The following KYNU variants were observed in gnomAD, a reference collection of about 807,000 sequenced individuals.
KYNU encodes L-kynurenine hydrolase.
In KYNU, 54 loss-of-function variants were observed where a neutral mutation model predicts 59.2. That is an observed-to-expected ratio of 0.91 (90% CI 0.73 to 1.14). The LOEUF is 1.14. Among genes scored for constraint, KYNU ranks in the 50% most tolerant of loss-of-function variants. The probability of loss-of-function intolerance (pLI) is 0.00; values close to 1 mark genes in which losing one functional copy is unlikely to be tolerated. For missense variants in KYNU, 567 were observed against 554.4 expected (o/e 1.02, Z -0.23); for synonymous variants, 177 against 192.0 (o/e 0.92, Z 0.65).
chr2:142,918,560 GA>G (rs1420101368), intron 2 of KYNU, 48 bp from the exon 3 acceptor site: 3 of 1,477,158 alleles, frequency 2.0e-6, no homozygotes, highest in Non-Finnish European at 2.7e-6. Flanking sequence ...ATACCATACT[GA>G]AAAAGCTTTT....
At chr2:143,012,755 C>A (rs1469532320) in intron 10 of KYNU, among the ~76,000 whole-genome samples, 1 of 151,972 alleles carries the variant, frequency 6.6e-6, no homozygotes, top group Non-Finnish European at 1.5e-5. Context: ...AAATATAATA[C>A]AATTGTACTA....
chr2:143,053,496 C>T lies in KYNU; in HGVS notation c.*11324C>T, dbSNP rs183144765. On this transcript the variant is annotated 3_prime_UTR_variant, in exon 14 of 14. Transcript: ENST00000264170. Reference sequence around the variant, plus strand: ...CAGAATGATATGGTTTGACTTTGTCCGCAGTCAAATCTCATCTTGAATTTC... The same window carrying T: ...CAGAATGATATGGTTTGACTTTGTCTGCAGTCAAATCTCATCTTGAATTTC... 14 of 152,204 alleles carry T rather than the reference C, an allele frequency of 9.2e-5. No homozygotes were observed. Among genetic ancestry groups the T allele is most frequent in the Non-Finnish European group, 7.4e-5 (5 of 68,008 alleles). 9.4% of individuals were successfully genotyped at this position (152,204 alleles called of 1,614,324 possible). A position where few individuals can be genotyped will look rare whatever the true frequency, so the allele number is the denominator to read the frequency against.
At chr2:142,916,671 T>C (rs570974158) in intron 2 of KYNU, among the ~76,000 whole-genome samples, 2 of 152,210 alleles carry the variant, frequency 1.3e-5, no homozygotes, top group Admixed American at 6.5e-5. Context: ...GAGGAAGAAA[T>C]TGAGACACCT....
chr2:142,928,514 TC>T (rs1250034621), intron 4 of KYNU, among the ~76,000 whole-genome samples: 2 of 152,210 alleles, frequency 1.3e-5, no homozygotes, highest in Non-Finnish European at 2.9e-5. Flanking sequence ...ATTGCTTCAT[TC>T]CATTTGAATC....
intron 10 of KYNU, among the ~76,000 whole-genome samples, chr2:143,020,059 TA>T (rs999110459): frequency 7.9e-5 from 12 of 152,006 alleles, no homozygotes; most frequent in African/African-American, 2.7e-4. Context: ...TGTTTATCTT[TA>T]AAAAAACCAC....
chr2:142,977,699 A>G (rs1020004059), intron 8 of KYNU, among the ~76,000 whole-genome samples: 4 of 152,198 alleles, frequency 2.6e-5, no homozygotes, highest in African/African-American at 4.8e-5. Flanking sequence ...GTAGATAGCT[A>G]TATTAAATAA....
chr2:143,038,071 C>T (rs1205856337), intron 12 of KYNU, among the ~76,000 whole-genome samples: 2 of 152,158 alleles, frequency 1.3e-5, no homozygotes, highest in African/African-American at 2.4e-5. Flanking sequence ...GAGCAACATT[C>T]CCTACGCCCC....
In KYNU at chr2:143,049,979, C is replaced by T. The variant is rs1687235786; in HGVS notation, c.*7807C>T. On this transcript the variant is annotated 3_prime_UTR_variant, in exon 14 of 14. Coordinates refer to ENST00000264170, the MANE Select transcript of KYNU (RefSeq NM_003937.3). Reference sequence around the variant, plus strand: ...TTAAATTCTTGTTTTCGGTTTTTTTCCAATCACATAAGTAGGATTTACCTG... The same window carrying T: ...TTAAATTCTTGTTTTCGGTTTTTTTTCAATCACATAAGTAGGATTTACCTG... 1 of 148,726 alleles carries T rather than the reference C, an allele frequency of 6.7e-6. No homozygotes were observed. The highest frequency in any genetic ancestry group is 1.5e-5 in the Non-Finnish European group (1 of 67,380). The allele number at this position is 148,726 out of a possible 1,614,324, so 9.2% of individuals were successfully genotyped here. A position where few individuals can be genotyped will look rare whatever the true frequency, so the allele number is the denominator to read the frequency against.
At chr2:142,978,557 A>G (rs1317466435) in intron 8 of KYNU, among the ~76,000 whole-genome samples, 1 of 152,150 alleles carries the variant, frequency 6.6e-6, no homozygotes, top group East Asian at 1.9e-4. Context: ...GGCACTGGCA[A>G]AGGCATTGTC....
intron 10 of KYNU, among the ~76,000 whole-genome samples, chr2:143,022,543 T>C (rs1162645617): frequency 6.6e-6 from 1 of 151,996 alleles, no homozygotes; most frequent in Non-Finnish European, 1.5e-5. Flanking sequence ...TACCTCTTTT[T>C]TGATTTGGTT....
At position 143,016,591 on chromosome 2, in the gene KYNU, T is replaced by A. The variant is rs908368562; in HGVS notation, c.903-13036T>A. ...TTTTCTCCCAGTTTACCCCCACTGA[T>A]GTAGTTCAGTTATATGAACTGCTGT... On this transcript the variant is annotated intron_variant, in intron 10 of 13. Coordinates refer to ENST00000264170, the MANE Select transcript of KYNU (RefSeq NM_003937.3). Among the ~76,000 whole-genome samples the A allele has an allele frequency of 1.3e-5, 2 of 152,242 alleles. 1 individual carries two copies. Among genetic ancestry groups the A allele is most frequent in the Middle Eastern group, 6.3e-3 (2 of 316 alleles).
At chr2:142,929,411 CA>C (rs1033320789) in intron 4 of KYNU, among the ~76,000 whole-genome samples, 1 of 143,032 alleles carries the variant, frequency 7.0e-6, no homozygotes, top group African/African-American at 2.6e-5. Flanking sequence ...CTCCCAATGG[CA>C]AAAAAATAAA....
At position 143,040,590 on chromosome 2, in the gene KYNU, C is replaced by A. The variant is rs1242286393; in HGVS notation, c.1204C>A (p.Gln402Lys). The A allele has an allele frequency of 6.2e-7, 1 of 1,612,318 alleles. No homozygotes were observed. The highest frequency in any genetic ancestry group is 2.2e-5 in the East Asian group (1 of 44,846). The change falls in exon 13 of 14, where the codon CAG becomes AAG. Residue 402 changes from glutamine (Q) to lysine (K), a missense_variant. Coordinates refer to ENST00000264170, the MANE Select transcript of KYNU (RefSeq NM_003937.3). The stretch of plus-strand genomic sequence containing the variant: ...GTCTCATGTAGAGGAGCGGGGGTGC[C>A]AGCTAACAATAACATTTTCTGTTCC... ...TPSHVEERGC[Q>K]LTITFSVPNK...
intron 8 of KYNU, among the ~76,000 whole-genome samples, chr2:142,983,520 A>G (rs1227873059): frequency 1.3e-5 from 2 of 152,068 alleles, no homozygotes; most frequent in Non-Finnish European, 2.9e-5. Flanking sequence ...CAGTGTATAT[A>G]CTTGAACTGA....
intron 10 of KYNU, among the ~76,000 whole-genome samples, chr2:143,016,865 G>A (rs1421813154): frequency 1.3e-5 from 2 of 152,140 alleles, no homozygotes; most frequent in Non-Finnish European, 2.9e-5. Context: ...CACAGTACCA[G>A]TAGTTTTTCA....
chr2:142,945,945 C>G (rs1683762820), intron 4 of KYNU, among the ~76,000 whole-genome samples: 1 of 151,926 alleles, frequency 6.6e-6, no homozygotes, highest in Non-Finnish European at 1.5e-5. Context: ...ACCATGTTGA[C>G]CAGGCTGGTC....
At chr2:142,908,718 T>C (rs1277659351) in intron 2 of KYNU, among the ~76,000 whole-genome samples, 1 of 152,042 alleles carries the variant, frequency 6.6e-6, no homozygotes, top group Admixed American at 6.5e-5. Context: ...CACTGCAAGC[T>C]CTGCCTCCTA....
rs183954237 is a variant in KYNU at position 142,978,958 on chromosome 2, A to G, written c.730-6126A>G. Among the ~76,000 whole-genome samples, 6 of 152,286 alleles carry G rather than the reference A, an allele frequency of 3.9e-5. No individual in the cohort carries two copies. The East Asian group carries it at 1.2e-3, about 29-fold the overall frequency. On this transcript the variant is annotated intron_variant, in intron 8 of 13. Coordinates refer to ENST00000264170, the MANE Select transcript of KYNU (RefSeq NM_003937.3). ...AATCAATAAAGTGATCAGAGCTTTA[A>G]TGCTACTAGGAAAATACTTCAGCTT...
chr2:142,905,740 G>T (rs1682271058), intron 2 of KYNU, among the ~76,000 whole-genome samples: 2 of 152,160 alleles, frequency 1.3e-5, no homozygotes, highest in South Asian at 4.1e-4. Context: ...GCTACTGATT[G>T]AATGCATTTG....
Sources: allele counts gnomAD v4.1 joint callset (sites outside exome capture counted in the v4.1 genomes callset), GRCh38; gene constraint gnomAD v4.1.1; transcripts MANE v1.5; gene names NCBI Gene and HGNC (gene_info 2026-07-23, HGNC 2026-07-21).